IGSF3: variants seen among roughly 807,000 people sequenced by gnomAD.
The protein encoded by IGSF3 is immunoglobulin superfamily member 3.
Under a neutral mutation model 114.4 loss-of-function variants are expected in IGSF3, and 23 were observed. The ratio of observed to expected loss-of-function variants is 0.20; its 90% CI spans 0.14 to 0.28. The LOEUF is 0.28. IGSF3 is among the 10% of genes least tolerant of loss of function. The pLI is 1.00. For synonymous variants in IGSF3, 571 were observed against 645.2 expected (o/e 0.88, Z 1.74); for missense variants, 1,172 against 1,591.5 (o/e 0.74, Z 4.48).
chr1:116,608,457 G>T (rs74866769), intron 4 of IGSF3, 126 bp from the exon 5 acceptor site: 5 of 739,584 alleles, frequency 6.8e-6, no homozygotes, highest in Non-Finnish European at 1.1e-5. Flanking sequence ...GAGGACCACA[G>T]CACTTAGCTT....
At chr1:116,663,075 T>A (rs978818485) in intron 2 of IGSF3, among the ~76,000 whole-genome samples, 6 of 152,204 alleles carry the variant, frequency 3.9e-5, no homozygotes, top group Non-Finnish European at 7.3e-5. Context: ...GATGTCCCAA[T>A]CTCCTACATT....
Position 116,634,989 on chromosome 1 carries a change from C to T in IGSF3, c.44-18532G>A, listed in dbSNP as rs1248662278. 1.3e-5 allele frequency among the ~76,000 whole-genome samples: 2 copies of T among 152,218 alleles called. No homozygotes were observed. The highest frequency in any genetic ancestry group is 2.9e-5 in the Non-Finnish European group (2 of 68,046). On this transcript the variant is annotated intron_variant, in intron 2 of 10. Transcript: ENST00000369486. The surrounding 1 kb of genome is among the most constrained non-coding windows in gnomAD (Gnocchi z 4.2). ...CAGTTGTCTAGTGTCCCAGCCCCAA[C>T]CACCATCTGACTGTAACCCCATGAA...
intron 2 of IGSF3, among the ~76,000 whole-genome samples, chr1:116,646,238 A>C (rs1648363669): frequency 2.6e-5 from 4 of 152,302 alleles, no homozygotes; most frequent in Middle Eastern, 3.4e-3. Context: ...CACAAGTTTC[A>C]GCAGTTCCTG....
At position 116,603,520 on chromosome 1, in the gene IGSF3, CAT is replaced by C. The variant is rs1207100494; in HGVS notation, c.1624+102_1624+103del. On this transcript the variant is annotated intron_variant, in intron 6 of 10. Transcript: ENST00000369486. The surrounding 1 kb of genome is among the most constrained non-coding windows in gnomAD (Gnocchi z 7.1). Reference sequence around the variant, plus strand: ...CAAACTCTATAGGTAAAAGACTGGCCATAGTTTCCTGCTAAAACTCTGACTGA... The same window carrying C: ...CAAACTCTATAGGTAAAAGACTGGCCAGTTTCCTGCTAAAACTCTGACTGA... 1.1e-5 allele frequency: 12 copies of C among 1,116,328 alleles called. No homozygotes were observed. Among genetic ancestry groups the C allele is most frequent in the African/African-American group, 1.5e-5 (1 of 64,702 alleles). 69.2% of individuals were successfully genotyped at this position (1,116,328 alleles called of 1,614,324 possible). A position where few individuals can be genotyped will look rare whatever the true frequency, so the allele number is the denominator to read the frequency against.
chr1:116,623,960 G>A (rs1351183051), intron 2 of IGSF3, among the ~76,000 whole-genome samples: 39 of 150,968 alleles, frequency 2.6e-4, no homozygotes, highest in African/African-American at 6.3e-4. Context: ...GGTGATGTGC[G>A]CCTGTAATCC....
At chr1:116,601,323 G>T (rs2101435116) in intron 6 of IGSF3, among the ~76,000 whole-genome samples, 1 of 152,272 alleles carries the variant, frequency 6.6e-6, no homozygotes, top group Middle Eastern at 3.4e-3. Flanking sequence ...GCCTTTTTAG[G>T]TTGCTTTACC....
Position 116,614,110 on chromosome 1 carries a change from G to T in IGSF3, c.487C>A (p.Leu163Met). 7 of 1,614,014 alleles carry T rather than the reference G, an allele frequency of 4.3e-6. No individual in the cohort carries two copies. The highest frequency in any genetic ancestry group is 5.1e-6 in the Non-Finnish European group (6 of 1,180,022). The change falls in exon 4 of 11, where the codon CTG (leucine) becomes ATG (methionine). Residue 163 changes from leucine (L) to methionine (M), a missense_variant. This residue lies in a region of IGSF3 where 736 missense variants were observed against 1,042.0 expected (regional missense o/e 0.71). Coordinates refer to ENST00000369486, the MANE Select transcript of IGSF3 (RefSeq NM_001007237.3). The surrounding 1 kb of genome is among the most constrained non-coding windows in gnomAD (Gnocchi z 4.5). ...GAGGCCACCTCACAAGTGAGCTCCA[G>T]CGGGTCCTGCTCCACTCTGTGCAGA... ...QTLHRVEQDPLELTCEVASET... is the reference protein window; with the variant it reads ...QTLHRVEQDPMELTCEVASET...
In IGSF3 at chr1:116,596,930, C is replaced by T. The variant is rs1466944930; in HGVS notation, c.2029+3011G>A. 6.6e-6 allele frequency among the ~76,000 whole-genome samples: 1 copy of T among 152,216 alleles called. No individual in the cohort carries two copies. Among genetic ancestry groups the T allele is most frequent in the African/African-American group, 2.4e-5 (1 of 41,456 alleles). On this transcript the variant is annotated intron_variant, in intron 7 of 10. Coordinates refer to ENST00000369486, the MANE Select transcript of IGSF3 (RefSeq NM_001007237.3). This position sits in a 1 kb window ranked among gnomAD's most constrained non-coding sequence, Gnocchi z 4.1. Reference sequence around the variant, plus strand: ...AGAAATGCTCAGTGAATATTAGCTGCTACTGTTGTTACTACCAGTAACACT... The same window carrying T: ...AGAAATGCTCAGTGAATATTAGCTGTTACTGTTGTTACTACCAGTAACACT...
At chr1:116,667,465 G>A (rs1326744378) in intron 1 of IGSF3, among the ~76,000 whole-genome samples, 153 bp downstream of exon 1, 1 of 151,970 alleles carries the variant, frequency 6.6e-6, no homozygotes, top group Non-Finnish European at 1.5e-5. Flanking sequence ...CAGCGCGCCC[G>A]CCCAGCCAGG....
Position 116,660,688 on chromosome 1 carries a change from C to CA in IGSF3, c.43+5595dup, listed in dbSNP as rs568836421. Among the ~76,000 whole-genome samples the CA allele has an allele frequency of 8.5e-4, 129 of 151,812 alleles. 1 individual carries two copies. Among genetic ancestry groups the CA allele is most frequent in the African/African-American group, 3.0e-3 (126 of 41,420 alleles). On this transcript the variant is annotated intron_variant, in intron 2 of 10. Coordinates refer to ENST00000369486, the MANE Select transcript of IGSF3 (RefSeq NM_001007237.3). ...AACTCCTGACCTCAGGTGATCCACC[C>CA]ACCTTGGCCTCCCAAAGTGCTGGGA...
rs1371301651 is a variant in IGSF3 at position 116,625,675 on chromosome 1, G to A, written c.44-9218C>T. Among the ~76,000 whole-genome samples, 1 of 152,194 alleles carries A rather than the reference G, an allele frequency of 6.6e-6. No individual in the cohort carries two copies. The highest frequency in any genetic ancestry group is 1.5e-5 in the Non-Finnish European group (1 of 68,030). On this transcript the variant is annotated intron_variant, in intron 2 of 10. Coordinates refer to ENST00000369486, the MANE Select transcript of IGSF3 (RefSeq NM_001007237.3). The surrounding 1 kb of genome is among the most constrained non-coding windows in gnomAD (Gnocchi z 4.7). ...ACAGACCAAATTCACAGTCAAATGC[G>A]ACAAGATGAGGGCCTGGCCTGGTTT... is the stretch of plus-strand genomic sequence containing the variant.
At position 116,617,403 on chromosome 1, in the gene IGSF3, C is replaced by T. The variant is rs181839718; in HGVS notation, c.44-946G>A. On this transcript the variant is annotated intron_variant, in intron 2 of 10. Transcript: ENST00000369486. ...GCACAACCCTGCCTCTTCATTTCGG[C>T]AGTGGTCACGTACTGCAGGTTGTGA... is the stretch of plus-strand genomic sequence containing the variant. The T allele has an allele frequency of 8.0e-5, 79 of 984,026 alleles. No homozygotes were observed. In the East Asian group the frequency reaches 6.0e-3, roughly 75 times the overall value. 61.0% of individuals were successfully genotyped at this position (984,026 alleles called of 1,614,324 possible).
intron 4 of IGSF3, among the ~76,000 whole-genome samples, chr1:116,611,122 G>C (rs1278311515): frequency 1.3e-5 from 2 of 152,034 alleles, no homozygotes; most frequent in Non-Finnish European, 2.9e-5. Flanking sequence ...CTGGTCTCTT[G>C]GCTTCAGACT....
intron 8 of IGSF3, among the ~76,000 whole-genome samples, chr1:116,586,597 T>C (rs1659854534): frequency 6.6e-6 from 1 of 152,128 alleles, no homozygotes; most frequent in Admixed American, 6.6e-5. Context: ...CTAAATGTGT[T>C]GAGGGGGGTC....
In IGSF3 at chr1:116,643,758, C is replaced by T. The variant is rs536962806; in HGVS notation, c.43+22526G>A. ...GGGCTTTGACATGCGACAGATCCTC[C>T]GATCCCTGTGAAAGAGGGATCATTG... On this transcript the variant is annotated intron_variant, in intron 2 of 10. Coordinates refer to ENST00000369486, the MANE Select transcript of IGSF3 (RefSeq NM_001007237.3). Among the ~76,000 whole-genome samples the T allele has an allele frequency of 5.9e-5, 9 of 152,334 alleles. No individual in the cohort carries two copies. In the South Asian group the frequency reaches 1.5e-3, roughly 25 times the overall value.
At chr1:116,580,589 G>C (rs978891943) in intron 9 of IGSF3, among the ~76,000 whole-genome samples, 2 of 152,242 alleles carry the variant, frequency 1.3e-5, no homozygotes, top group Admixed American at 6.5e-5. Flanking sequence ...ACTATTCAAG[G>C]ACACAGCAAG....
intron 2 of IGSF3, among the ~76,000 whole-genome samples, chr1:116,652,637 T>C (rs564147507): frequency 5.1e-4 from 78 of 152,312 alleles, no homozygotes; most frequent in African/African-American, 1.9e-3. Flanking sequence ...TGCAATCCAA[T>C]TTAGTCCAAC....
chr1:116,607,912 G>A lies in IGSF3; in HGVS notation c.1222+30C>T. The A allele has an allele frequency of 2.5e-6, 4 of 1,605,544 alleles. No individual in the cohort carries two copies. The highest frequency in any genetic ancestry group is 3.4e-6 in the Non-Finnish European group (4 of 1,173,966). On this transcript the variant is annotated intron_variant, in intron 5 of 10. Transcript: ENST00000369486. This position sits in a 1 kb window ranked among gnomAD's most constrained non-coding sequence, Gnocchi z 6.1. ...TCTCCTAAATGATGCTGAGCCAAAGGAGAAGAAAGCAGCACATCTCTCTAC... is the reference window on the plus strand; with the variant it reads ...TCTCCTAAATGATGCTGAGCCAAAGAAGAAGAAAGCAGCACATCTCTCTAC...
intron 2 of IGSF3, among the ~76,000 whole-genome samples, chr1:116,663,342 A>G (rs979900198): frequency 1.3e-5 from 2 of 151,076 alleles, no homozygotes; most frequent in Non-Finnish European, 3.0e-5. Context: ...TTTTCCAGTC[A>G]CCCTTCCCTT....
Sources: gnomAD v4.1 joint callset for allele counts (sites outside exome capture counted in the v4.1 genomes callset) on GRCh38, gnomAD v4.1.1 for gene constraint, gnomAD v4.1.1 regional missense constraint, Gnocchi (gnomAD v3.1) non-coding constraint, MANE v1.5 for transcripts, NCBI Gene and HGNC (gene_info 2026-07-23, HGNC 2026-07-21) for gene names.